The following CD99 variants were observed in gnomAD, a reference collection of about 807,000 sequenced individuals.
CD99 encodes the protein CD99 molecule (Xg blood group).
CD99 carries 19 observed loss-of-function variants against 28.4 expected under a neutral mutation model. The ratio of observed to expected loss-of-function variants is 0.67; its 90% CI spans 0.47 to 0.98. The LOEUF is 0.98. Ranked by LOEUF, CD99 falls within the 50% of genes least tolerant of loss-of-function variation. The pLI is 0.00. For synonymous variants in CD99, 103 were observed against 92.1 expected (o/e 1.12, Z -0.67); for missense variants, 283 against 248.8 (o/e 1.14, Z -0.92).
At chrX:2,701,298 A>G (rs61040842) in intron 1 of CD99, among the ~76,000 whole-genome samples, 2,160 of 151,086 alleles carry the variant, frequency 0.014, 49 homozygotes, top group African/African-American at 0.05. Context: ...CTCCCAGTCC[A>G]TGGCTCTTTC....
At chrX:2,725,957 T>G (rs1267697133) in intron 7 of CD99, among the ~76,000 whole-genome samples, 5 of 152,122 alleles carry the variant, frequency 3.3e-5, no homozygotes, top group Admixed American at 3.3e-4. Flanking sequence ...GTCTCTGCCT[T>G]GGTTCTGCTG....
chrX:2,699,403 C>G (rs767045314), intron 1 of CD99, among the ~76,000 whole-genome samples: 1 of 150,450 alleles, frequency 6.6e-6, no homozygotes, highest in Non-Finnish European at 1.5e-5. Context: ...CTCCTGACGT[C>G]GTGATCTGCC....
At chrX:2,711,584 A>G (rs2048412773) in intron 1 of CD99, among the ~76,000 whole-genome samples, 2 of 152,144 alleles carry the variant, frequency 1.3e-5, no homozygotes, top group Admixed American at 1.3e-4. Flanking sequence ...TGAATGCAGA[A>G]AGAAAATGTG....
intron 1 of CD99, among the ~76,000 whole-genome samples, chrX:2,692,980 C>G (rs1321576251): frequency 6.6e-6 from 1 of 152,156 alleles, no homozygotes; most frequent in East Asian, 1.9e-4. Context: ...TCAGGGGTTC[C>G]CAGTGGTAAA....
intron 1 of CD99, among the ~76,000 whole-genome samples, chrX:2,707,747 A>T (rs1384693745): frequency 6.6e-6 from 1 of 152,214 alleles, no homozygotes; most frequent in Non-Finnish European, 1.5e-5. Context: ...TAAACGTGCA[A>T]CACAGGCACC....
At position 2,728,834 on chromosome X, in the gene CD99, C is replaced by CTTT. The variant is rs1332444102; in HGVS notation, c.475+2479_475+2481dup. 5.1e-3 allele frequency among the ~76,000 whole-genome samples: 615 copies of CTTT among 119,598 alleles called. 11 individuals carry two copies. Among genetic ancestry groups the CTTT allele is most frequent in the African/African-American group, 0.018 (521 of 29,314 alleles). The allele number at this position is 119,598 out of a possible 152,430, so 78.5% of individuals were successfully genotyped here. ...AGATGTTGTATTTCAAACTCTCTGG[C>CTTT]TTTTTTTTTTTTTTTTTTTTGAGAC... is the stretch of plus-strand genomic sequence containing the variant. On this transcript the variant is annotated intron_variant, in intron 8 of 9. Transcript: ENST00000381192.
intron 1 of CD99, among the ~76,000 whole-genome samples, chrX:2,699,614 G>A (rs1180759887): frequency 1.3e-5 from 2 of 151,924 alleles, no homozygotes; most frequent in Non-Finnish European, 2.9e-5. Context: ...GAGCTGGCAC[G>A]CCCAGCCAAA....
Position 2,723,345 on chromosome X carries a change from C to T in CD99, c.342C>T (p.His114=). 6.2e-7 allele frequency: 1 copy of T among 1,613,948 alleles called. No individual in the cohort carries two copies. The highest frequency in any genetic ancestry group is 8.5e-7 in the Non-Finnish European group (1 of 1,179,864). Residue 114 remains histidine, a synonymous_variant, in exon 7 of 10, where the codon CAC becomes CAT. Coordinates refer to ENST00000381192, the MANE Select transcript of CD99 (RefSeq NM_002414.5). The part of the protein sequence containing the change: ...GKGGSDGGGS[H]RKEGEEADAP... ...GAGGCAGTGATGGTGGAGGCAGCCA[C>T]AGGAAAGAAGGGGAAGAGGGTAGGT... is the stretch of plus-strand genomic sequence containing the variant.
intron 1 of CD99, among the ~76,000 whole-genome samples, chrX:2,705,053 G>A (rs1603265703): frequency 6.6e-6 from 1 of 152,200 alleles, no homozygotes. Context: ...ACAGAGAGAC[G>A]AGTTTAACTA....
chrX:2,691,769 C>T (rs553620740), intron 1 of CD99: 13 of 762,874 alleles, frequency 1.7e-5, no homozygotes, highest in African/African-American at 3.4e-5. Flanking sequence ...CCTCACCCCA[C>T]CCCGTTATCT....
intron 8 of CD99, among the ~76,000 whole-genome samples, chrX:2,732,819 C>G (rs1438815920): frequency 1.4e-5 from 2 of 146,766 alleles, no homozygotes; most frequent in Non-Finnish European, 3.0e-5. Context: ...TTTTTCCTCT[C>G]TATTCTTTGT....
intron 8 of CD99, chrX:2,733,485 C>T: frequency 2.6e-6 from 3 of 1,139,782 alleles, no homozygotes; most frequent in Non-Finnish European, 3.8e-6. Flanking sequence ...CCTCGCCCTG[C>T]TGGCAAATTC....
chrX:2,697,967 G>A (rs1327016324), intron 1 of CD99, among the ~76,000 whole-genome samples: 3 of 151,720 alleles, frequency 2.0e-5, no homozygotes, highest in Admixed American at 1.3e-4. Context: ...AGACCGTGCC[G>A]AGGTGGCAAT....
intron 8 of CD99, among the ~76,000 whole-genome samples, chrX:2,730,298 G>A (rs1295677516): frequency 5.3e-5 from 8 of 151,414 alleles, no homozygotes; most frequent in Non-Finnish European, 1.0e-4. Context: ...TCAGCTTCCC[G>A]AGCAGCTGGG....
chrX:2,706,309 A>G (rs969248450), intron 1 of CD99, among the ~76,000 whole-genome samples: 2 of 152,034 alleles, frequency 1.3e-5, no homozygotes, highest in Non-Finnish European at 2.9e-5. Context: ...GCAGTGAGCC[A>G]AAATCGGGCC....
chrX:2,698,745 C>T (rs1231869109), intron 1 of CD99, among the ~76,000 whole-genome samples: 3 of 152,098 alleles, frequency 2.0e-5, no homozygotes, highest in Non-Finnish European at 4.4e-5. Context: ...GATGCCCATC[C>T]CTCCTGCATT....
intron 9 of CD99, among the ~76,000 whole-genome samples, chrX:2,739,642 G>A (rs1410270307): frequency 6.6e-6 from 1 of 151,614 alleles, no homozygotes; most frequent in African/African-American, 2.4e-5. Context: ...TACTAGAGAC[G>A]GGGCTTTCGC....
intron 8 of CD99, among the ~76,000 whole-genome samples, chrX:2,736,561 A>G (rs1478625785): frequency 1.3e-5 from 2 of 151,858 alleles, no homozygotes; most frequent in Non-Finnish European, 2.9e-5. Context: ...TTTTAATGGA[A>G]ATTTGGGAAT....
intron 1 of CD99, chrX:2,691,691 G>A (rs1569421388): frequency 2.8e-6 from 2 of 703,540 alleles, no homozygotes; most frequent in Non-Finnish European, 5.2e-6. Flanking sequence ...GCGGCCTTGG[G>A]AGAGGTGCGT....
Sources: gnomAD v4.1 joint callset for allele counts (sites outside exome capture counted in the v4.1 genomes callset) on GRCh38, gnomAD v4.1.1 for gene constraint, MANE v1.5 for transcripts, NCBI Gene and HGNC (gene_info 2026-07-23, HGNC 2026-07-21) for gene names.